Variants in EXT1 observed in about 807,000 individuals in gnomAD.
The protein encoded by EXT1 is exostosin-1.
Under a neutral mutation model 82.5 loss-of-function variants are expected in EXT1, and 20 were observed. The observed-to-expected ratio is 0.24, with a 90% CI of 0.17 to 0.35. EXT1 has a LOEUF of 0.35. Ranked by LOEUF, EXT1 falls within the 10% of genes least tolerant of loss-of-function variation. The probability of loss-of-function intolerance (pLI) is 1.00; values close to 1 mark genes in which losing one functional copy is unlikely to be tolerated. For missense variants in EXT1, 757 were observed against 936.5 expected (o/e 0.81, Z 2.50); for synonymous variants, 348 against 350.8 (o/e 0.99, Z 0.09).
rs1245590693 is a variant in EXT1 at position 118,069,350 on chromosome 8, C to A, written c.962+40735G>T. On this transcript the variant is annotated intron_variant, in intron 1 of 10. Coordinates refer to ENST00000378204, the MANE Select transcript of EXT1 (RefSeq NM_000127.3). ...TAGCAGTGTGAATCACTAATAGCAC[C>A]CTCCCACAGTGCTCTTCAGCCCAGT... Among the ~76,000 whole-genome samples, 3 of 152,104 alleles carry A rather than the reference C, an allele frequency of 2.0e-5. No homozygotes were observed. In the East Asian group the frequency reaches 5.8e-4, roughly 29 times the overall value.
intron 1 of EXT1, among the ~76,000 whole-genome samples, chr8:118,012,612 C>G (rs17431353): frequency 0.023 from 3,559 of 152,312 alleles, 49 homozygotes; most frequent in Non-Finnish European, 0.027. Flanking sequence ...TCCAGCTCTG[C>G]GTCTCACTGC....
At chr8:117,819,225 C>T (rs1811879918) in intron 6 of EXT1, among the ~76,000 whole-genome samples, 1 of 152,266 alleles carries the variant, frequency 6.6e-6, no homozygotes, top group East Asian at 1.9e-4. Flanking sequence ...CGTCTGCTCC[C>T]AATTTTATAA....
intron 1 of EXT1, among the ~76,000 whole-genome samples, chr8:117,971,065 C>A (rs1814929410): frequency 6.6e-6 from 1 of 152,150 alleles, no homozygotes; most frequent in East Asian, 1.9e-4. Context: ...AGCTGGCCTG[C>A]CCAAGAAGCA....
chr8:118,067,706 C>G (rs986885099), intron 1 of EXT1, among the ~76,000 whole-genome samples: 13 of 152,324 alleles, frequency 8.5e-5, no homozygotes, highest in African/African-American at 3.1e-4. Context: ...AAGGATAAGA[C>G]CAGTTACATG....
chr8:118,008,460 C>A (rs1221785944), intron 1 of EXT1, among the ~76,000 whole-genome samples: 1 of 152,048 alleles, frequency 6.6e-6, no homozygotes, highest in Non-Finnish European at 1.5e-5. Context: ...AGGGTTTCAG[C>A]AGGTTGGCCA....
intron 1 of EXT1, among the ~76,000 whole-genome samples, chr8:118,008,541 C>T (rs1290571079): frequency 6.6e-6 from 1 of 152,148 alleles, no homozygotes; most frequent in Non-Finnish European, 1.5e-5. Flanking sequence ...CCTGAGCTAC[C>T]ATGCCCAGCC....
chr8:117,939,825 G>C (rs982848585), intron 1 of EXT1, among the ~76,000 whole-genome samples: 3 of 152,042 alleles, frequency 2.0e-5, no homozygotes, highest in African/African-American at 7.2e-5. Context: ...TCAATTCCTT[G>C]AACGCAAAAA....
At chr8:118,088,491 C>A (rs1385622613) in intron 1 of EXT1, among the ~76,000 whole-genome samples, 2 of 141,486 alleles carry the variant, frequency 1.4e-5, no homozygotes, top group African/African-American at 2.6e-5. Flanking sequence ...TATAGTAATG[C>A]TTAAAAAAAA....
chr8:117,923,580 G>T (rs983586729), intron 1 of EXT1, among the ~76,000 whole-genome samples: 2 of 151,558 alleles, frequency 1.3e-5, no homozygotes, highest in African/African-American at 4.9e-5. Context: ...CAAAAAATTA[G>T]CCAGGCATGG....
At chr8:118,102,739 G>A (rs1817741502) in intron 1 of EXT1, among the ~76,000 whole-genome samples, 1 of 152,108 alleles carries the variant, frequency 6.6e-6, no homozygotes, top group East Asian at 1.9e-4. Context: ...TACCAATAGT[G>A]GCTAACACTT....
intron 1 of EXT1, among the ~76,000 whole-genome samples, chr8:117,920,043 G>C (rs1254706890): frequency 6.6e-6 from 1 of 152,148 alleles, no homozygotes; most frequent in Non-Finnish European, 1.5e-5. Flanking sequence ...AGAAGGAACA[G>C]GGGTTTGAGG....
Position 117,810,101 on chromosome 8 carries a change from T to C in EXT1, c.1723-2724A>G, listed in dbSNP as rs146547805. 4.9e-3 allele frequency among the ~76,000 whole-genome samples: 742 copies of C among 152,324 alleles called. 2 individuals carry two copies. Among genetic ancestry groups the C allele is most frequent in the Non-Finnish European group, 8.0e-3 (546 of 68,032 alleles). ...ACACATCAAAGAAGGCAAAGGTCAG[T>C]TTAAGGCCCTTTCTCTCAAAAACCA... On this transcript the variant is annotated intron_variant, in intron 8 of 10. Transcript: ENST00000378204.
In EXT1 at chr8:117,837,067, G is replaced by A. The variant is rs374554042; in HGVS notation, c.1056+41C>T. 1.5e-5 allele frequency: 22 copies of A among 1,443,188 alleles called. No homozygotes were observed. The African/African-American group carries it at 1.7e-4, about 11-fold the overall frequency. The allele number at this position is 1,443,188 out of a possible 1,614,324, so 89.4% of individuals were successfully genotyped here. ...TGTTAAACCCACTTAATCTGGCTTC[G>A]GTCCTCAGCCCTATTCTGGGAAGGC... On this transcript the variant is annotated intron_variant, in intron 2 of 10. Coordinates refer to ENST00000378204, the MANE Select transcript of EXT1 (RefSeq NM_000127.3).
At chr8:117,969,476 A>G (rs1159086832) in intron 1 of EXT1, among the ~76,000 whole-genome samples, 1 of 152,214 alleles carries the variant, frequency 6.6e-6, no homozygotes, top group Non-Finnish European at 1.5e-5. Context: ...AAATATGCAC[A>G]TTGATCCCAG....
At chr8:118,043,758 G>C (rs571599958) in intron 1 of EXT1, among the ~76,000 whole-genome samples, 1 of 152,270 alleles carries the variant, frequency 6.6e-6, no homozygotes, top group East Asian at 1.9e-4. Context: ...GTAAGTGCTT[G>C]TTATGTTTTA....
At chr8:118,019,010 A>G (rs1816051707) in intron 1 of EXT1, among the ~76,000 whole-genome samples, 1 of 152,156 alleles carries the variant, frequency 6.6e-6, no homozygotes, top group East Asian at 1.9e-4. Flanking sequence ...GTTCAATAAA[A>G]AAGCAACTAC....
chr8:118,073,684 GAA>G (rs746418043), intron 1 of EXT1, among the ~76,000 whole-genome samples: 1,924 of 146,764 alleles, frequency 0.013, 29 homozygotes, highest in Middle Eastern at 0.092. Context: ...GAAGAGAAGA[GAA>G]GAGAAGAGAA....
intron 8 of EXT1, among the ~76,000 whole-genome samples, chr8:117,811,652 T>C (rs1823326176): frequency 6.6e-6 from 1 of 151,624 alleles, no homozygotes; most frequent in African/African-American, 2.4e-5. Flanking sequence ...AGTCTCGCTC[T>C]GTCACCCAGG....
intron 1 of EXT1, among the ~76,000 whole-genome samples, chr8:117,854,306 C>T (rs554805552): frequency 1.6e-5 from 2 of 125,312 alleles, no homozygotes; most frequent in Non-Finnish European, 3.2e-5. Context: ...CAGGACCTAC[C>T]CAGGGACCTC....
Sources: gnomAD v4.1 joint callset for allele counts (sites outside exome capture counted in the v4.1 genomes callset) on GRCh38, gnomAD v4.1.1 for gene constraint, MANE v1.5 for transcripts, NCBI Gene and HGNC (gene_info 2026-07-23, HGNC 2026-07-21) for gene names.